Variants in PTPRU observed in about 807,000 individuals in gnomAD.
PTPRU encodes the protein receptor-type tyrosine-protein phosphatase U.
PTPRU carries 69 observed loss-of-function variants against 166.3 expected under a neutral mutation model. That is an observed-to-expected ratio of 0.41 (90% CI 0.34 to 0.51). PTPRU has a LOEUF of 0.51. Among genes scored for constraint, PTPRU ranks in the 20% least tolerant of loss-of-function variants. The pLI is 0.09. For missense variants in PTPRU, 1,657 were observed against 2,013.7 expected (o/e 0.82, Z 3.39); for synonymous variants, 793 against 814.0 (o/e 0.97, Z 0.44).
intron 15 of PTPRU, 56 bp from the exon 16 acceptor site, chr1:29,303,799 A>G: frequency 1.3e-6 from 2 of 1,491,624 alleles, no homozygotes; most frequent in South Asian, 2.5e-5. Context: ...TCTCTCCAGG[A>G]CCCCCGAGGC....
chr1:29,245,671 ATCCT>A (rs1558544348), intron 1 of PTPRU, among the ~76,000 whole-genome samples: 8 of 151,816 alleles, frequency 5.3e-5, no homozygotes, highest in African/African-American at 1.9e-4. Context: ...TCCTGCCATG[ATCCT>A]GCCATGGTCC....
intron 1 of PTPRU, among the ~76,000 whole-genome samples, chr1:29,248,017 G>A (rs1000965072): frequency 3.3e-5 from 5 of 152,154 alleles, no homozygotes; most frequent in African/African-American, 1.2e-4. Flanking sequence ...AGGGCTCTTC[G>A]GGCAGCTCTG....
At chr1:29,314,062 C>T (rs1687787110) in intron 22 of PTPRU, among the ~76,000 whole-genome samples, 1 of 152,178 alleles carries the variant, frequency 6.6e-6, no homozygotes, top group Non-Finnish European at 1.5e-5. Flanking sequence ...TGTTTGTCTT[C>T]TTTCCCTGAG....
At position 29,260,782 on chromosome 1, in the gene PTPRU, C is replaced by T. The variant is rs756535014; in HGVS notation, c.1023C>T (p.Thr341=). The T allele has an allele frequency of 6.2e-7, 1 of 1,613,634 alleles. No individual in the cohort carries two copies. The highest frequency in any genetic ancestry group is 2.2e-5 in the East Asian group (1 of 44,828). Residue 341 remains threonine, a synonymous_variant, in exon 7 of 30, where the codon ACC becomes ACT. Coordinates refer to ENST00000373779, the MANE Select transcript of PTPRU (RefSeq NM_133178.4). This position sits in a 1 kb window ranked among gnomAD's most constrained non-coding sequence, Gnocchi z 8.3. The part of the protein sequence containing the change: ...WAEVHAVSLQ[T]YKLWHLDPDT... ...AGGTGCACGCCGTCAGCCTGCAGAC[C>T]TACAAGCTGTGGCACCTCGACCCCG...
At chr1:29,300,614 C>T (rs1320482525) in intron 15 of PTPRU, among the ~76,000 whole-genome samples, 5 of 152,206 alleles carry the variant, frequency 3.3e-5, no homozygotes. Flanking sequence ...GGCATCCCAC[C>T]ACAATGGCAT....
chr1:29,276,631 A>G (rs1292485242), intron 8 of PTPRU, among the ~76,000 whole-genome samples: 1 of 152,140 alleles, frequency 6.6e-6, no homozygotes, highest in Non-Finnish European at 1.5e-5. Flanking sequence ...TTCTTTTATT[A>G]TATTTATTTA....
rs1478100294 is a variant in PTPRU, at chr1:29,279,587, C to G, written c.1695C>G (p.Phe565Leu). Reference protein sequence around the residue: ...SNLHPGTTYLFSVRARTGKGF... With the variant: ...SNLHPGTTYLLSVRARTGKGF... Reference sequence around the variant, plus strand: ...TGCACCCAGGCACCACCTACCTGTTCTCCGTGCGGGCCCGCACAGGCAAAG... The same window carrying G: ...TGCACCCAGGCACCACCTACCTGTTGTCCGTGCGGGCCCGCACAGGCAAAG... The change falls in exon 10 of 30, where the codon TTC becomes TTG. Residue 565 changes from phenylalanine to leucine, a missense_variant. Phe to Leu is a conservative substitution (Grantham distance 22, BLOSUM62 0). Coordinates refer to ENST00000373779, the MANE Select transcript of PTPRU (RefSeq NM_133178.4). This position sits in a 1 kb window ranked among gnomAD's most constrained non-coding sequence, Gnocchi z 5.2. The G allele has an allele frequency of 6.2e-7, 1 of 1,614,160 alleles. No homozygotes were observed. The highest frequency in any genetic ancestry group is 1.3e-5 in the African/African-American group (1 of 75,074).
Position 29,280,030 on chromosome 1 carries a change from C to G in PTPRU, c.1766-9C>G. On this transcript the variant is annotated splice_polypyrimidine_tract_variant and intron_variant, in intron 10 of 29. Coordinates refer to ENST00000373779, the MANE Select transcript of PTPRU (RefSeq NM_133178.4). This position sits in a 1 kb window ranked among gnomAD's most constrained non-coding sequence, Gnocchi z 4.2. ...AAGCTCCAGCTTGTGACCCTGTCCCCTTCTCCAGCTCCCAGCTTTGATTAT... is the reference window on the plus strand; with the variant it reads ...AAGCTCCAGCTTGTGACCCTGTCCCGTTCTCCAGCTCCCAGCTTTGATTAT... 1 of 1,610,492 alleles carries G rather than the reference C, an allele frequency of 6.2e-7. No individual in the cohort carries two copies. Among genetic ancestry groups the G allele is most frequent in the Non-Finnish European group, 8.5e-7 (1 of 1,177,054 alleles).
intron 2 of PTPRU, among the ~76,000 whole-genome samples, chr1:29,256,893 G>GA (rs981944154): frequency 1.3e-5 from 2 of 152,202 alleles, no homozygotes; most frequent in African/African-American, 4.8e-5. Flanking sequence ...TGAGAAAGGG[G>GA]AGAGGGGAAT....
chr1:29,270,729 G>A (rs374566256), intron 7 of PTPRU, among the ~76,000 whole-genome samples: 59 of 152,318 alleles, frequency 3.9e-4, no homozygotes, highest in African/African-American at 1.3e-3. Context: ...TTGGGAGGCT[G>A]AGGCAGGTGG....
chr1:29,268,528 C>G (rs1029139413), intron 7 of PTPRU, among the ~76,000 whole-genome samples: 3 of 152,180 alleles, frequency 2.0e-5, no homozygotes, highest in Non-Finnish European at 4.4e-5. Context: ...GGTTGAGAAT[C>G]CCCGATTCAG....
intron 15 of PTPRU, among the ~76,000 whole-genome samples, chr1:29,300,455 C>G (rs949603256): frequency 2.6e-5 from 4 of 152,146 alleles, no homozygotes; most frequent in Admixed American, 2.6e-4. Context: ...CACAGAATTC[C>G]TCTTCCTCCT....
At position 29,319,649 on chromosome 1, in the gene PTPRU, G is replaced by A. The variant is rs868126022; in HGVS notation, c.3688-1036G>A. On this transcript the variant is annotated intron_variant, in intron 25 of 29. Coordinates refer to ENST00000373779, the MANE Select transcript of PTPRU (RefSeq NM_133178.4). ...AGAGAGTCCTGGAGAGAGATCGCTG[G>A]GGGACCAGGGGGGCTCTTTGTTTCT... Among the ~76,000 whole-genome samples the A allele has an allele frequency of 3.9e-4, 60 of 152,338 alleles. 1 individual carries two copies. Among genetic ancestry groups the A allele is most frequent in the Middle Eastern group, 3.4e-3 (1 of 294 alleles).
intron 29 of PTPRU, 45 bp from the exon 30 acceptor site, chr1:29,325,554 G>T: frequency 6.4e-7 from 1 of 1,569,172 alleles, no homozygotes; most frequent in Non-Finnish European, 8.8e-7. Context: ...CAATACTGGA[G>T]TTGGGGTCAG....
intron 1 of PTPRU, among the ~76,000 whole-genome samples, chr1:29,242,280 T>A (rs1481312735): frequency 3.9e-5 from 6 of 152,324 alleles, no homozygotes; most frequent in African/African-American, 1.4e-4. Context: ...ACAAGGGGTG[T>A]GGACGTGTTG....
chr1:29,300,110 T>C (rs1006369307), intron 15 of PTPRU, among the ~76,000 whole-genome samples: 11 of 152,326 alleles, frequency 7.2e-5, no homozygotes, highest in Non-Finnish European at 1.5e-4. Context: ...CATATTGGAT[T>C]GTAACAATTT....
intron 7 of PTPRU, among the ~76,000 whole-genome samples, chr1:29,270,889 T>G (rs1685532118): frequency 6.6e-6 from 1 of 152,152 alleles, no homozygotes; most frequent in Non-Finnish European, 1.5e-5. Context: ...GGATTGAGAC[T>G]GCAGTGAGCC....
chr1:29,302,559 C>CT (rs1003262471), intron 15 of PTPRU, among the ~76,000 whole-genome samples: 4 of 150,536 alleles, frequency 2.7e-5, no homozygotes, highest in Non-Finnish European at 3.0e-5. Context: ...ATTTTTTTTT[C>CT]TTTTTTTTGA....
chr1:29,277,845 G>GTTTTTTTTTTTTTTT (rs1685885787), intron 8 of PTPRU, among the ~76,000 whole-genome samples: 2 of 51,358 alleles, frequency 3.9e-5, no homozygotes, highest in African/African-American at 7.1e-5. Flanking sequence ...TTGAGATGGA[G>GTTTTTTTTTTTTTTT]TCTTGTTCTG....
Sources: allele counts gnomAD v4.1 joint callset (sites outside exome capture counted in the v4.1 genomes callset), GRCh38; gene constraint gnomAD v4.1.1; non-coding constraint Gnocchi (gnomAD v3.1); transcripts MANE v1.5; gene names NCBI Gene and HGNC (gene_info 2026-07-23, HGNC 2026-07-21).